PREX1: variants seen among roughly 807,000 people sequenced by gnomAD.
The protein encoded by PREX1 is phosphatidylinositol-3,4,5-trisphosphate dependent Rac exchange factor 1, also known as phosphatidylinositol 3,4,5-trisphosphate-dependent Rac exchanger 1 protein.
In PREX1, 41 loss-of-function variants were observed where a neutral mutation model predicts 198.3. The ratio of observed to expected loss-of-function variants is 0.21; its 90% CI spans 0.16 to 0.27. The LOEUF is 0.27. Among genes scored for constraint, PREX1 ranks in the 10% least tolerant of loss-of-function variants. The probability of loss-of-function intolerance (pLI) is 1.00; values close to 1 mark genes in which losing one functional copy is unlikely to be tolerated. For synonymous variants in PREX1, 843 were observed against 887.2 expected (o/e 0.95, Z 0.89); for missense variants, 1,620 against 2,200.7 (o/e 0.74, Z 5.28).
At position 48,630,711 on chromosome 20, in the gene PREX1, A is replaced by G; in HGVS notation, c.4593+17T>C. 1 of 1,566,064 alleles carries G rather than the reference A, an allele frequency of 6.4e-7. No individual in the cohort carries two copies. Among genetic ancestry groups the G allele is most frequent in the East Asian group, 2.2e-5 (1 of 44,550 alleles). ...CCCTGCCCAAGCTCCCTGCAGCAGG[A>G]GGGCACGTGGACATACCTGGTCTAT... On this transcript the variant is annotated intron_variant, in intron 36 of 39. Transcript: ENST00000371941.
chr20:48,865,043 G>C, the PREX1 span, among the ~76,000 whole-genome samples: 1 of 152,028 alleles, frequency 6.6e-6, no homozygotes, highest in African/African-American at 2.4e-5. Context: ...GGTTGGGGGG[G>C]GTCTTACCCA....
chr20:48,862,792 T>A, the PREX1 span, among the ~76,000 whole-genome samples: 6,251 of 64,138 alleles, frequency 0.097, 246 homozygotes, highest in Non-Finnish European at 0.14. Flanking sequence ...AAAAAAAAAA[T>A]ATATATATAT....
At chr20:48,799,629 C>G (rs1224861631) in intron 1 of PREX1, among the ~76,000 whole-genome samples, 1 of 152,210 alleles carries the variant, frequency 6.6e-6, no homozygotes, top group Non-Finnish European at 1.5e-5. Flanking sequence ...CTGGAGGGGC[C>G]TTGGCTTCCT....
intron 3 of PREX1, among the ~76,000 whole-genome samples, chr20:48,740,941 T>C (rs1422300593): frequency 2.6e-5 from 4 of 152,230 alleles, no homozygotes; most frequent in South Asian, 2.1e-4. Flanking sequence ...ATAGCACTCA[T>C]TTTCTATTTT....
intron 26 of PREX1, among the ~76,000 whole-genome samples, chr20:48,645,466 A>T (rs145086407): frequency 1.8e-4 from 28 of 152,178 alleles, no homozygotes; most frequent in African/African-American, 6.7e-4. Flanking sequence ...AAAAAACTGC[A>T]CTCTTCCTCC....
intron 13 of PREX1, among the ~76,000 whole-genome samples, chr20:48,678,078 C>T (rs970012070): frequency 6.6e-6 from 1 of 151,970 alleles, no homozygotes; most frequent in African/African-American, 2.4e-5. Flanking sequence ...CTTTGGGAGG[C>T]CAAGGCAGGC....
At chr20:48,769,878 G>C (rs968921670) in intron 1 of PREX1, among the ~76,000 whole-genome samples, 8 of 152,194 alleles carry the variant, frequency 5.3e-5, no homozygotes, top group Non-Finnish European at 1.0e-4. Context: ...TTCCTTGGCT[G>C]ACACCTTCAC....
the PREX1 span, among the ~76,000 whole-genome samples, chr20:48,862,790 A>AAATAT: frequency 0.03 from 3,099 of 102,490 alleles, 91 homozygotes; most frequent in Admixed American, 0.062. Context: ...TAAAAAAAAA[A>AAATAT]ATATATATAT....
chr20:48,824,860 C>A (rs1241265355), intron 1 of PREX1, among the ~76,000 whole-genome samples: 1 of 152,068 alleles, frequency 6.6e-6, no homozygotes. Flanking sequence ...GGTTACTTTC[C>A]ACGGTTTCCA....
At chr20:48,835,175 G>A in the PREX1 span, among the ~76,000 whole-genome samples, 1 of 152,210 alleles carries the variant, frequency 6.6e-6, no homozygotes, top group African/African-American at 2.4e-5. Context: ...GTTGCAGGTG[G>A]GCTGTGGGAA....
At chr20:48,729,785 C>T (rs2090026614) in intron 4 of PREX1, among the ~76,000 whole-genome samples, 1 of 152,180 alleles carries the variant, frequency 6.6e-6, no homozygotes. Context: ...GCCCTGCAGT[C>T]GGTTGAATGG....
chr20:48,654,546 G>C (rs1246708160), intron 19 of PREX1, among the ~76,000 whole-genome samples: 1 of 152,254 alleles, frequency 6.6e-6, no homozygotes, highest in Non-Finnish European at 1.5e-5. Context: ...TCTCCGGGCA[G>C]GGCCGATGTC....
intron 1 of PREX1, among the ~76,000 whole-genome samples, chr20:48,787,670 G>C (rs978273709): frequency 4.7e-5 from 7 of 149,836 alleles, no homozygotes; most frequent in African/African-American, 1.7e-4. Context: ...TTTTTGCAAG[G>C]AATTTTATAA....
chr20:48,825,106 T>C (rs1009702883), intron 1 of PREX1, among the ~76,000 whole-genome samples: 4 of 152,144 alleles, frequency 2.6e-5, no homozygotes, highest in African/African-American at 9.7e-5. Context: ...CCTTGGTAAT[T>C]AGCAGTTCCT....
At chr20:48,861,291 C>CA in the PREX1 span, among the ~76,000 whole-genome samples, 3 of 152,356 alleles carry the variant, frequency 2.0e-5, no homozygotes, top group South Asian at 6.2e-4. Flanking sequence ...CCCTGGACCT[C>CA]AGTTTCCCAA....
At chr20:48,655,487 C>T in intron 18 of PREX1, 112 bp from the exon 19 acceptor site, 1 of 954,064 alleles carries the variant, frequency 1.0e-6, no homozygotes, top group Non-Finnish European at 1.5e-6. Flanking sequence ...TGGGAAAATT[C>T]AGCCCAAAAT....
rs964541629 is a variant in PREX1, at chr20:48,684,746, A to G, written c.1335-3411T>C. ...AAGACGGAAATGTGAGCTGCCTGCC[A>G]AGGCCCTGCCTGAGGTGACCCACTT... On this transcript the variant is annotated intron_variant, in intron 10 of 39. Coordinates refer to ENST00000371941, the MANE Select transcript of PREX1 (RefSeq NM_020820.4). The surrounding 1 kb of genome is among the most constrained non-coding windows in gnomAD (Gnocchi z 4.2). 6.6e-6 allele frequency among the ~76,000 whole-genome samples: 1 copy of G among 151,854 alleles called. No individual in the cohort carries two copies. Among genetic ancestry groups the G allele is most frequent in the Non-Finnish European group, 1.5e-5 (1 of 67,978 alleles).
chr20:48,830,073 A>G (rs2090533942), upstream of PREX1, among the ~76,000 whole-genome samples: 1 of 152,120 alleles, frequency 6.6e-6, no homozygotes, highest in Admixed American at 6.5e-5. Context: ...AGAATCAAAA[A>G]TGTCTCCAGG....
chr20:48,658,396 T>C (rs1444667691), intron 16 of PREX1, among the ~76,000 whole-genome samples, 168 bp from the exon 17 acceptor site: 1 of 152,216 alleles, frequency 6.6e-6, no homozygotes, highest in Non-Finnish European at 1.5e-5. Flanking sequence ...GCAGAGCCAG[T>C]GCTCACTCTG....
Sources: gnomAD v4.1 joint callset for allele counts (sites outside exome capture counted in the v4.1 genomes callset) on GRCh38, gnomAD v4.1.1 for gene constraint, Gnocchi (gnomAD v3.1) non-coding constraint, MANE v1.5 for transcripts, NCBI Gene and HGNC (gene_info 2026-07-23, HGNC 2026-07-21) for gene names.